OAS3: variants seen among roughly 807,000 people sequenced by gnomAD.
OAS3 encodes 2'-5'-oligoadenylate synthase 3.
In OAS3, 107 loss-of-function variants were observed where a neutral mutation model predicts 113.0. That is an observed-to-expected ratio of 0.95 (90% CI 0.81 to 1.11). The LOEUF (loss-of-function observed/expected upper bound fraction) is 1.11. OAS3 is among the 50% of genes most tolerant of loss of function. The pLI, the probability that OAS3 is intolerant of heterozygous loss-of-function variation, is 0.00. For missense variants in OAS3, 1,258 were observed against 1,389.1 expected (o/e 0.91, Z 1.50); for synonymous variants, 552 against 573.6 (o/e 0.96, Z 0.54).
intron 7 of OAS3, among the ~76,000 whole-genome samples, chr12:112,956,547 C>T (rs1489606019): frequency 2.6e-5 from 4 of 152,190 alleles, no homozygotes; most frequent in Non-Finnish European, 5.9e-5. Context: ...TCTTTGTTCT[C>T]ATTGGTTTCA....
rs1478891631 is a variant in OAS3 at position 112,948,979 on chromosome 12, C to T, written c.1148C>T (p.Pro383Leu). 13 of 1,614,000 alleles carry T rather than the reference C, an allele frequency of 8.1e-6. No homozygotes were observed. Among genetic ancestry groups the T allele is most frequent in the South Asian group, 1.1e-5 (1 of 91,070 alleles). ...GTGTACCCAAGAGCAGGGAGCAAACCTCCCTCATGCCCAGCTCCTGGCCCC... is the reference window on the plus strand; with the variant it reads ...GTGTACCCAAGAGCAGGGAGCAAACTTCCCTCATGCCCAGCTCCTGGCCCC... ...NAVYPRAGSK[P>L]PSCPAPGPTG... is the part of the protein sequence containing the mutation. The change falls in exon 6 of 16, where the codon CCT (proline) becomes CTT (leucine). Residue 383 changes from proline to leucine, a missense_variant. Physicochemically the swap from Pro to Leu is moderately conservative, Grantham distance 98. Coordinates refer to ENST00000228928, the MANE Select transcript of OAS3 (RefSeq NM_006187.4).
In OAS3 at chr12:112,961,920, G is replaced by A. The variant is rs139667743; in HGVS notation, c.1833+674G>A. ...AAGTAGTCCTCCTGCCTCAGCCCCC[G>A]TAGTAGCTAAGACTACAGGCATGCA... On this transcript the variant is annotated intron_variant, in intron 8 of 15. Coordinates refer to ENST00000228928, the MANE Select transcript of OAS3 (RefSeq NM_006187.4). 7.9e-4 allele frequency among the ~76,000 whole-genome samples: 120 copies of A among 151,840 alleles called. No individual in the cohort carries two copies. The East Asian group carries it at 0.016, about 20-fold the overall frequency.
At chr12:112,939,103 T>C (rs2043656716) in intron 1 of OAS3, among the ~76,000 whole-genome samples, 1 of 152,136 alleles carries the variant, frequency 6.6e-6, no homozygotes, top group South Asian at 2.1e-4. Context: ...TGCCAGACCT[T>C]AAGGTTACAG....
Position 112,949,188 on chromosome 12 carries a change from G to C in OAS3, c.1357G>C (p.Ala453Pro), listed in dbSNP as rs2043766455. The change falls in exon 6 of 16, where the codon GCC becomes CCC. Residue 453 changes from alanine (A) to proline (P), a missense_variant. By Grantham distance (27) the Ala-to-Pro change is conservative. Transcript: ENST00000228928. ...CCTCCATGAGAACTGTGTTCACAAG[G>C]CCTCAAGAGTCAGTAAAGTGAGTTG... ...RCLHENCVHKASRVSKGGSFG... is the reference protein window; with the variant it reads ...RCLHENCVHKPSRVSKGGSFG... 2 of 1,611,298 alleles carry C rather than the reference G, an allele frequency of 1.2e-6. No individual in the cohort carries two copies. Among genetic ancestry groups the C allele is most frequent in the Admixed American group, 1.7e-5 (1 of 59,930 alleles).
In OAS3 at chr12:112,947,130, A is replaced by G. The variant is rs2043741069; in HGVS notation, c.875+149A>G. The G allele has an allele frequency of 6.2e-6, 4 of 644,128 alleles. No individual in the cohort carries two copies. In the South Asian group the frequency reaches 7.7e-5, roughly 12 times the overall value. The allele number at this position is 644,128 out of a possible 1,614,324, so 39.9% of individuals were successfully genotyped here. On this transcript the variant is annotated intron_variant, in intron 4 of 15. Coordinates refer to ENST00000228928, the MANE Select transcript of OAS3 (RefSeq NM_006187.4). ...GTACATGTTTTAATTCACTGGACTC[A>G]GCCCAGATGCACATTAGAATTACCT... is the stretch of plus-strand genomic sequence containing the variant.
chr12:112,951,588 C>T (rs2043792613), intron 7 of OAS3, among the ~76,000 whole-genome samples: 2 of 152,016 alleles, frequency 1.3e-5, no homozygotes, highest in South Asian at 2.1e-4. Context: ...GATTTGTTTG[C>T]TTTCGGCATT....
At chr12:112,966,071 G>C (rs1419425906) in intron 12 of OAS3, 42 bp downstream of exon 12, 16 of 1,604,264 alleles carry the variant, frequency 1.0e-5, no homozygotes, top group Non-Finnish European at 1.3e-5. Flanking sequence ...GAAATACAGA[G>C]GCAGGGCCGC....
At position 112,944,586 on chromosome 12, in the gene OAS3, T is replaced by C. The variant is rs750795566; in HGVS notation, c.571T>C (p.Phe191Leu). ...AACFTELRRN[F>L]VNIRPAKLKN... is the part of the protein sequence containing the mutation. ...CTGCTTCACAGAGCTGCGGAGGAAC[T>C]TTGTGAACATTCGCCCAGCCAAGTT... Residue 191 changes from phenylalanine (F) to leucine (L), a missense_variant, in exon 3 of 16, where the codon TTT (phenylalanine) becomes CTT (leucine). Physicochemically the swap from Phe to Leu is conservative, Grantham distance 22. Coordinates refer to ENST00000228928, the MANE Select transcript of OAS3 (RefSeq NM_006187.4). The C allele has an allele frequency of 1.1e-5, 17 of 1,613,954 alleles. No individual in the cohort carries two copies. The highest frequency in any genetic ancestry group is 1.4e-5 in the Non-Finnish European group (17 of 1,179,910).
At chr12:112,964,186 G>C in intron 10 of OAS3, 49 bp from the exon 11 acceptor site, 2 of 1,537,500 alleles carry the variant, frequency 1.3e-6, no homozygotes, top group Admixed American at 3.9e-5. Flanking sequence ...GCTTGGGTGA[G>C]CACTGGGAGT....
At position 112,949,084 on chromosome 12, in the gene OAS3, G is replaced by A. The variant is rs373103415; in HGVS notation, c.1253G>A (p.Arg418His). Reference protein sequence around the residue: ...LSQIPTKELDRFIQDHLKPSP... With the variant: ...LSQIPTKELDHFIQDHLKPSP... Reference sequence around the variant, plus strand: ...CAGATCCCCACCAAGGAGCTGGACCGCTTCATCCAGGACCACCTGAAGCCG... The same window carrying A: ...CAGATCCCCACCAAGGAGCTGGACCACTTCATCCAGGACCACCTGAAGCCG... Residue 418 changes from arginine to histidine, a missense_variant, in exon 6 of 16, where the codon CGC (arginine) becomes CAC (histidine). Coordinates refer to ENST00000228928, the MANE Select transcript of OAS3 (RefSeq NM_006187.4). 376 of 1,613,998 alleles carry A rather than the reference G, an allele frequency of 2.3e-4. No homozygotes were observed. The highest frequency in any genetic ancestry group is 3.7e-4 in the African/African-American group (28 of 75,060).
chr12:112,963,410 TG>T lies in OAS3; in HGVS notation c.2183del (p.Cys728SerfsTer3). On this transcript the variant is annotated frameshift_variant, in exon 10 of 16. Coordinates refer to ENST00000228928, the MANE Select transcript of OAS3 (RefSeq NM_006187.4). LOFTEE classifies it high-confidence loss of function. The surrounding 1 kb of genome is among the most constrained non-coding windows in gnomAD (Gnocchi z 4.6). The stretch of plus-strand genomic sequence containing the variant: ...AGCAGCAGCGCTGGGGATGCAGGCC[TG>T]CTTTCTGAGTAGAGACGGGACATCT... ...QEAAALGMQA[C>X]FLSRDGTSVQ... 1 of 1,551,896 alleles carries T rather than the reference TG, an allele frequency of 6.4e-7. No homozygotes were observed. Among genetic ancestry groups the T allele is most frequent in the Non-Finnish European group, 8.7e-7 (1 of 1,147,100 alleles).
chr12:112,970,306 C>T lies in OAS3; in HGVS notation c.*333C>T. On this transcript the variant is annotated 3_prime_UTR_variant, in exon 16 of 16. Coordinates refer to ENST00000228928, the MANE Select transcript of OAS3 (RefSeq NM_006187.4). ...ACCCAGCTGAGAATGCCCCCTCCTC[C>T]CTGACTCCTCTCTGCCCATGCAAAT... is the stretch of plus-strand genomic sequence containing the variant. 1 of 409,620 alleles carries T rather than the reference C, an allele frequency of 2.4e-6. No homozygotes were observed. The highest frequency in any genetic ancestry group is 4.8e-5 in the East Asian group (1 of 20,650). The allele number at this position is 409,620 out of a possible 1,614,324, so 25.4% of individuals were successfully genotyped here.
rs755573230 is a variant in OAS3, at chr12:112,938,534, G to C, written c.4G>C (p.Asp2His). 8 of 1,599,808 alleles carry C rather than the reference G, an allele frequency of 5.0e-6. No homozygotes were observed. The highest frequency in any genetic ancestry group is 1.3e-5 in the African/African-American group (1 of 74,084). M[D>H]LYSTPAAALD... ...CTTGCACCTGCGCCGGGCGGCCATG[G>C]ACTTGTACAGCACCCCGGCCGCTGC... The change falls in exon 1 of 16, where the codon GAC becomes CAC. Residue 2 changes from aspartate to histidine, a missense_variant. By Grantham distance (81) the Asp-to-His change is moderately conservative. Transcript: ENST00000228928.
rs774660795 is a variant in OAS3 at position 112,950,682 on chromosome 12, T to A, written c.1375-11T>A. The A allele has an allele frequency of 1.2e-6, 2 of 1,613,658 alleles. No individual in the cohort carries two copies. Among genetic ancestry groups the A allele is most frequent in the Non-Finnish European group, 1.7e-6 (2 of 1,179,672 alleles). ...GAGGGTCCCTGATCTGAGCTGTTCTTCCCTCCACAGGGGGGCTCATTTGGC... is the reference window on the plus strand; with the variant it reads ...GAGGGTCCCTGATCTGAGCTGTTCTACCCTCCACAGGGGGGCTCATTTGGC... On this transcript the variant is annotated splice_polypyrimidine_tract_variant and intron_variant, in intron 6 of 15. Transcript: ENST00000228928.
At position 112,970,081 on chromosome 12, in the gene OAS3, T is replaced by G; in HGVS notation, c.*108T>G. ...AGATGAGAGAGATTGTGTACATGTGTGTGTGAGCACATGTGTGCATGTGTG... is the reference window on the plus strand; with the variant it reads ...AGATGAGAGAGATTGTGTACATGTGGGTGTGAGCACATGTGTGCATGTGTG... On this transcript the variant is annotated 3_prime_UTR_variant, in exon 16 of 16. Coordinates refer to ENST00000228928, the MANE Select transcript of OAS3 (RefSeq NM_006187.4). The G allele has an allele frequency of 7.8e-7, 1 of 1,284,864 alleles. No homozygotes were observed. Among genetic ancestry groups the G allele is most frequent in the Non-Finnish European group, 1.1e-6 (1 of 901,216 alleles). The allele number at this position is 1,284,864 out of a possible 1,614,324, so 79.6% of individuals were successfully genotyped here.
chr12:112,969,521 A>T, intron 14 of OAS3, 87 bp from the exon 15 acceptor site: 3 of 1,488,624 alleles, frequency 2.0e-6, no homozygotes, highest in Non-Finnish European at 2.8e-6. Flanking sequence ...AAAGTGTTAG[A>T]TAAAAGGGGA....
Position 112,944,568 on chromosome 12 carries a change from A to G in OAS3, c.553A>G (p.Thr185Ala). 1 of 1,614,058 alleles carries G rather than the reference A, an allele frequency of 6.2e-7. No individual in the cohort carries two copies. The highest frequency in any genetic ancestry group is 8.5e-7 in the Non-Finnish European group (1 of 1,179,896). Residue 185 changes from threonine to alanine, a missense_variant, in exon 3 of 16, where the codon ACA becomes GCA. Coordinates refer to ENST00000228928, the MANE Select transcript of OAS3 (RefSeq NM_006187.4). Reference protein sequence around the residue: ...CQGGEHAACFTELRRNFVNIR... With the variant: ...CQGGEHAACFAELRRNFVNIR... ...AGGGGGCGAGCATGCGGCCTGCTTC[A>G]CAGAGCTGCGGAGGAACTTTGTGAA...
intron 13 of OAS3, 84 bp from the exon 14 acceptor site, chr12:112,967,852 G>A: frequency 6.8e-7 from 1 of 1,473,654 alleles, no homozygotes; most frequent in East Asian, 2.4e-5. Flanking sequence ...AAGTTTTGGG[G>A]TTGCTTTGCC....
rs7138261 is a variant in OAS3 at position 112,972,165 on chromosome 12, C to T, written c.*2192C>T. Reference sequence around the variant, plus strand: ...ACCTTCCATTCCCACCACACAGACTCTGGGCCTCCCCGCAAAATGGCTCCA... The same window carrying T: ...ACCTTCCATTCCCACCACACAGACTTTGGGCCTCCCCGCAAAATGGCTCCA... On this transcript the variant is annotated 3_prime_UTR_variant, in exon 16 of 16. Coordinates refer to ENST00000228928, the MANE Select transcript of OAS3 (RefSeq NM_006187.4). The T allele has an allele frequency of 0.052, 7,919 of 152,382 alleles. 272 individuals are homozygous for T. Among genetic ancestry groups the T allele is most frequent in the Non-Finnish European group, 0.082 (5,595 of 68,060 alleles). 9.4% of individuals were successfully genotyped at this position (152,382 alleles called of 1,614,324 possible).
Sources: allele counts gnomAD v4.1 joint callset (sites outside exome capture counted in the v4.1 genomes callset), GRCh38; gene constraint gnomAD v4.1.1; non-coding constraint Gnocchi (gnomAD v3.1); transcripts MANE v1.5; gene names NCBI Gene and HGNC (gene_info 2026-07-23, HGNC 2026-07-21).